Variants in SPEF2 observed in about 807,000 individuals in gnomAD.
SPEF2 encodes the protein sperm flagellar and cilia associated 2.
In SPEF2, 187 loss-of-function variants were observed where a neutral mutation model predicts 224.6. That is an observed-to-expected ratio of 0.83 (90% CI 0.74 to 0.94). The LOEUF is 0.94. Ranked by LOEUF, SPEF2 falls within the 40% of genes least tolerant of loss-of-function variation. The pLI is 0.00. For missense variants in SPEF2, 2,170 were observed against 2,135.6 expected (o/e 1.02, Z -0.32); for synonymous variants, 715 against 707.3 (o/e 1.01, Z -0.17).
At chr5:35,728,886 G>A (rs1288904796) in intron 21 of SPEF2, among the ~76,000 whole-genome samples, 1 of 151,910 alleles carries the variant, frequency 6.6e-6, no homozygotes, top group African/African-American at 2.4e-5. Context: ...TAATATATAT[G>A]TAGGTTCAAA....
Position 35,705,661 on chromosome 5 carries a change from T to C in SPEF2, c.2518T>C (p.Phe840Leu). Residue 840 changes from phenylalanine (F) to leucine (L), a missense_variant, in exon 18 of 37, where the codon TTC becomes CTC. Physicochemically the swap from Phe to Leu is conservative, Grantham distance 22. Transcript: ENST00000356031. ...RDQIQHRIIG[F>L]LDNWPLLEQW... ...ATTTTGATTTTGCAGAATTATAGGC[T>C]TCTTGGACAACTGGCCTTTATTGGA... 1 of 1,582,150 alleles carries C rather than the reference T, an allele frequency of 6.3e-7. No homozygotes were observed. The highest frequency in any genetic ancestry group is 8.5e-7 in the Non-Finnish European group (1 of 1,170,910).
At chr5:35,808,860 A>G (rs1416197580) in intron 36 of SPEF2, among the ~76,000 whole-genome samples, 1 of 147,392 alleles carries the variant, frequency 6.8e-6, no homozygotes, top group Non-Finnish European at 1.5e-5. Context: ...TTAAATATAT[A>G]TGTAAAAAAA....
chr5:35,786,676 A>G (rs909700453), intron 30 of SPEF2, among the ~76,000 whole-genome samples: 1 of 152,118 alleles, frequency 6.6e-6, no homozygotes, highest in Non-Finnish European at 1.5e-5. Flanking sequence ...AAAACAAAAA[A>G]AGCAAAGGAG....
intron 19 of SPEF2, among the ~76,000 whole-genome samples, chr5:35,712,447 G>A (rs2149601113): frequency 6.6e-6 from 1 of 152,136 alleles, no homozygotes; most frequent in South Asian, 2.1e-4. Flanking sequence ...GGCACATTCA[G>A]TTGAAACAAA....
intron 1 of SPEF2, among the ~76,000 whole-genome samples, chr5:35,618,373 G>A (rs1742967535): frequency 1.3e-5 from 2 of 152,180 alleles, no homozygotes; most frequent in Admixed American, 6.5e-5. Flanking sequence ...GGCAATCAGA[G>A]GGTTTAGGAA....
At chr5:35,646,829 T>C in intron 5 of SPEF2, 22 bp downstream of exon 5, 4 of 1,611,492 alleles carry the variant, frequency 2.5e-6, no homozygotes, top group African/African-American at 2.7e-5. Flanking sequence ...TCCTTTAATA[T>C]TGTGCTGTGT....
At chr5:35,810,500 A>T (rs1329226597) in intron 36 of SPEF2, among the ~76,000 whole-genome samples, 1 of 152,158 alleles carries the variant, frequency 6.6e-6, no homozygotes, top group Non-Finnish European at 1.5e-5. Context: ...CTTTTAAGTT[A>T]TACATTCCCC....
chr5:35,776,358 A>C lies in SPEF2; in HGVS notation c.4180A>C (p.Lys1394Gln), dbSNP rs563859438. 4.2e-5 allele frequency: 67 copies of C among 1,611,658 alleles called. No individual in the cohort carries two copies. In the East Asian group the frequency reaches 1.5e-3, roughly 35 times the overall value. ...GGTTGATGTATATAAACTCATGGAA[A>C]AATGGCTTGGTGAGAGGTATTTGAA... ...KVVDVYKLME[K>Q]WLGERYLNEM... The change falls in exon 29 of 37, where the codon AAA becomes CAA. Residue 1394 changes from lysine (K) to glutamine (Q), a missense_variant. Lys to Gln is a moderately conservative substitution (Grantham distance 53). Transcript: ENST00000356031.
intron 26 of SPEF2, among the ~76,000 whole-genome samples, chr5:35,770,667 G>C (rs748991279): frequency 6.6e-6 from 1 of 152,138 alleles, no homozygotes; most frequent in Non-Finnish European, 1.5e-5. Flanking sequence ...AGGTTCGTCT[G>C]TGTTGTCATG....
At chr5:35,761,274 C>T (rs74861789) in intron 25 of SPEF2, among the ~76,000 whole-genome samples, 3,964 of 152,262 alleles carry the variant, frequency 0.026, 79 homozygotes, top group Middle Eastern at 0.058. Flanking sequence ...TCAAGTCACT[C>T]CATCTCTCTT....
rs373278140 is a variant in SPEF2, at chr5:35,705,633, C to T, written c.2508-18C>T. On this transcript the variant is annotated intron_variant, in intron 17 of 36. Transcript: ENST00000356031. ...TTTGATCAGTATGAGATATTCATAT[C>T]ATATTTTGATTTTGCAGAATTATAG... is the stretch of plus-strand genomic sequence containing the variant. 3.2e-6 allele frequency: 5 copies of T among 1,559,644 alleles called. 1 individual carries two copies. In the South Asian group the frequency reaches 5.0e-5, roughly 16 times the overall value.
At chr5:35,694,835 A>C (rs1270332744) in intron 13 of SPEF2, among the ~76,000 whole-genome samples, 1 of 152,200 alleles carries the variant, frequency 6.6e-6, no homozygotes, top group African/African-American at 2.4e-5. Context: ...GGGCACTACC[A>C]ATACAACTAA....
At chr5:35,726,978 A>C in intron 20 of SPEF2, among the ~76,000 whole-genome samples, 1 of 82,474 alleles carries the variant, frequency 1.2e-5, no homozygotes, top group African/African-American at 4.0e-5. Flanking sequence ...TTTTCTTCCC[A>C]AGCACCCCCC....
intron 23 of SPEF2, among the ~76,000 whole-genome samples, chr5:35,747,968 G>A (rs1316551580): frequency 6.6e-6 from 1 of 152,060 alleles, no homozygotes; most frequent in Non-Finnish European, 1.5e-5. Flanking sequence ...TAAGAAAATT[G>A]AAATTATATC....
chr5:35,738,406 G>T (rs988040792), intron 21 of SPEF2, among the ~76,000 whole-genome samples: 1 of 151,368 alleles, frequency 6.6e-6, no homozygotes, highest in Non-Finnish European at 1.5e-5. Context: ...TGTAAGGAAG[G>T]GATCCAGTTT....
intron 2 of SPEF2, among the ~76,000 whole-genome samples, chr5:35,631,655 T>G (rs1745150763): frequency 6.6e-6 from 1 of 152,200 alleles, no homozygotes; most frequent in African/African-American, 2.4e-5. Flanking sequence ...TAACACAACG[T>G]TCATAGCAGA....
intron 34 of SPEF2, among the ~76,000 whole-genome samples, chr5:35,802,346 A>G (rs1339817129): frequency 6.6e-6 from 1 of 152,222 alleles, no homozygotes; most frequent in Non-Finnish European, 1.5e-5. Flanking sequence ...AGGGCGGAGC[A>G]CATTCACACA....
intron 23 of SPEF2, among the ~76,000 whole-genome samples, chr5:35,747,105 TCAAA>T (rs1261456066): frequency 6.6e-6 from 1 of 152,166 alleles, no homozygotes; most frequent in East Asian, 1.9e-4. Context: ...ATAGTCTTTT[TCAAA>T]CAAACAAATG....
chr5:35,659,788 A>G (rs1398140090), intron 8 of SPEF2, among the ~76,000 whole-genome samples: 1 of 151,042 alleles, frequency 6.6e-6, no homozygotes, highest in Non-Finnish European at 1.5e-5. Flanking sequence ...TAGAGTAGGC[A>G]TTGGTATTGG....
Sources: gnomAD v4.1 joint callset for allele counts (sites outside exome capture counted in the v4.1 genomes callset) on GRCh38, gnomAD v4.1.1 for gene constraint, MANE v1.5 for transcripts, NCBI Gene and HGNC (gene_info 2026-07-23, HGNC 2026-07-21) for gene names.